PTPRD: variants seen among roughly 807,000 people sequenced by gnomAD.
PTPRD encodes protein tyrosine phosphatase receptor type D, also known as receptor-type tyrosine-protein phosphatase delta.
Under a neutral mutation model 214.5 loss-of-function variants are expected in PTPRD, and 34 were observed. The observed-to-expected ratio is 0.16, with a 90% CI of 0.12 to 0.21. The LOEUF (loss-of-function observed/expected upper bound fraction) is 0.21, where lower values mean the gene tolerates loss of function less well. Ranked by LOEUF, PTPRD falls within the 10% of genes least tolerant of loss-of-function variation. The probability of loss-of-function intolerance (pLI) is 1.00; values close to 1 mark genes in which losing one functional copy is unlikely to be tolerated. For synonymous variants in PTPRD, 1,128 were observed against 845.7 expected (o/e 1.33, Z -5.79); for missense variants, 2,545 against 2,398.7 (o/e 1.06, Z -1.27).
chr9:9,428,761 G>A (rs146307772), intron 8 of PTPRD, among the ~76,000 whole-genome samples: 9,418 of 152,140 alleles, frequency 0.062, 323 homozygotes, highest in Middle Eastern at 0.17. Flanking sequence ...ACTCAAAACC[G>A]CTCAACTACA....
At chr9:8,327,732 C>T (rs1395167984) in intron 44 of PTPRD, among the ~76,000 whole-genome samples, 1 of 152,120 alleles carries the variant, frequency 6.6e-6, no homozygotes, top group Non-Finnish European at 1.5e-5. Flanking sequence ...GTAGAGGGTT[C>T]ATATATATTT....
chr9:9,788,796 T>A (rs901627847), intron 5 of PTPRD, among the ~76,000 whole-genome samples: 1 of 152,148 alleles, frequency 6.6e-6, no homozygotes, highest in Admixed American at 6.5e-5. Context: ...ATATTTTTTT[T>A]TTCTGCATGA....
Position 9,955,709 on chromosome 9 carries a change from G to A in PTPRD, c.-471-17099C>T, listed in dbSNP as rs375390896. ...CGACTAATTTTTTGTATTTTTAGTA[G>A]AGACAGGGTTTCACCGTGTTAGCCA... On this transcript the variant is annotated intron_variant, in intron 4 of 45. Transcript: ENST00000381196. 2.4e-4 allele frequency among the ~76,000 whole-genome samples: 37 copies of A among 152,152 alleles called. No homozygotes were observed. The East Asian group carries it at 4.6e-3, about 19-fold the overall frequency.
intron 2 of PTPRD, among the ~76,000 whole-genome samples, chr9:10,488,272 CAGG>C (rs2099146161): frequency 6.7e-6 from 1 of 150,102 alleles, no homozygotes; most frequent in Non-Finnish European, 1.5e-5. Flanking sequence ...GAGGCTGAGG[CAGG>C]AGAATGGCAC....
intron 8 of PTPRD, among the ~76,000 whole-genome samples, chr9:9,496,695 T>C (rs1366819096): frequency 6.6e-6 from 1 of 152,188 alleles, no homozygotes; most frequent in Non-Finnish European, 1.5e-5. Context: ...GTTATGGTTA[T>C]TCTTAAAAAA....
intron 21 of PTPRD, among the ~76,000 whole-genome samples, chr9:8,514,069 G>C (rs1185158762): frequency 2.0e-5 from 3 of 152,022 alleles, no homozygotes; most frequent in Non-Finnish European, 2.9e-5. Flanking sequence ...CAGAGCTTTT[G>C]AAAGTAGAGT....
intron 3 of PTPRD, among the ~76,000 whole-genome samples, chr9:10,286,377 G>C (rs1285093650): frequency 2.6e-5 from 4 of 152,096 alleles, no homozygotes; most frequent in Admixed American, 1.3e-4. Context: ...AGAAGGCAGA[G>C]ATTGCAGTGA....
intron 11 of PTPRD, among the ~76,000 whole-genome samples, chr9:8,774,700 A>G (rs1565956559): frequency 1.3e-5 from 2 of 151,676 alleles, no homozygotes; most frequent in African/African-American, 4.8e-5. Context: ...ACACCTGGCT[A>G]ATTTTGTATT....
intron 10 of PTPRD, among the ~76,000 whole-genome samples, chr9:9,033,429 C>G (rs983231478): frequency 1.1e-4 from 16 of 152,170 alleles, no homozygotes; most frequent in African/African-American, 3.6e-4. Context: ...CCAATCATTC[C>G]CACATCTCAG....
intron 3 of PTPRD, among the ~76,000 whole-genome samples, chr9:10,265,763 C>T (rs929224004): frequency 2.6e-5 from 4 of 152,204 alleles, no homozygotes; most frequent in African/African-American, 9.7e-5. Context: ...TTTGCTGACA[C>T]TTGTTTTAAG....
At chr9:8,504,095 C>T (rs992627041) in intron 23 of PTPRD, among the ~76,000 whole-genome samples, 166 bp downstream of exon 23, 1 of 152,106 alleles carries the variant, frequency 6.6e-6, no homozygotes, top group Admixed American at 6.5e-5. Flanking sequence ...AGTGATGAGA[C>T]CAAAAGAAGT....
chr9:8,969,740 G>T (rs1296956486), intron 11 of PTPRD, among the ~76,000 whole-genome samples: 1 of 151,864 alleles, frequency 6.6e-6, no homozygotes, highest in Non-Finnish European at 1.5e-5. Context: ...TATTGATAGT[G>T]AGCCATCAGA....
At chr9:8,795,296 C>T (rs10815950) in intron 11 of PTPRD, among the ~76,000 whole-genome samples, 53,782 of 151,868 alleles carry the variant, frequency 0.35, 11,640 homozygotes, top group Middle Eastern at 0.51. Flanking sequence ...TCCCAAGTAG[C>T]TGGGATCACA....
intron 5 of PTPRD, among the ~76,000 whole-genome samples, chr9:9,857,962 G>C (rs1218539163): frequency 6.6e-6 from 1 of 152,172 alleles, no homozygotes; most frequent in Non-Finnish European, 1.5e-5. Flanking sequence ...AATTTTAAGT[G>C]AGTGAAAAGT....
chr9:8,856,457 T>C (rs548181294), intron 11 of PTPRD, among the ~76,000 whole-genome samples: 10 of 152,326 alleles, frequency 6.6e-5, no homozygotes, highest in Middle Eastern at 3.4e-3. Flanking sequence ...TTTCAAGTCA[T>C]AAGCAGTTAC....
chr9:10,494,238 ATTCT>A (rs1437426492), intron 2 of PTPRD, among the ~76,000 whole-genome samples: 10 of 152,028 alleles, frequency 6.6e-5, no homozygotes, highest in Admixed American at 6.6e-4. Context: ...GTAAAATTTA[ATTCT>A]TTCTTCTTTT....
intron 4 of PTPRD, among the ~76,000 whole-genome samples, chr9:9,980,945 T>G (rs2095523358): frequency 1.3e-5 from 2 of 152,074 alleles, no homozygotes. Flanking sequence ...TATACTCTGG[T>G]AAGAATATCC....
chr9:9,083,698 A>C (rs1229293847), intron 10 of PTPRD, among the ~76,000 whole-genome samples: 3 of 152,134 alleles, frequency 2.0e-5, no homozygotes, highest in East Asian at 3.9e-4. Flanking sequence ...ACTTAAACAA[A>C]TTTACAAGAA....
chr9:9,211,360 A>G (rs1465015580), intron 9 of PTPRD, among the ~76,000 whole-genome samples: 1 of 152,238 alleles, frequency 6.6e-6, no homozygotes, highest in Admixed American at 6.6e-5. Context: ...CTTGTGTCCT[A>G]AGTTTCTCAT....
Sources: allele counts gnomAD v4.1 joint callset (sites outside exome capture counted in the v4.1 genomes callset), GRCh38; gene constraint gnomAD v4.1.1; transcripts MANE v1.5; gene names NCBI Gene and HGNC (gene_info 2026-07-23, HGNC 2026-07-21).